The following SCG5 variants were observed in gnomAD, a reference collection of about 807,000 sequenced individuals.
The protein encoded by SCG5 is secretogranin V, also known as neuroendocrine protein 7B2.
A neutral mutation model predicts 25.7 loss-of-function variants in SCG5; 18 were observed. The ratio of observed to expected loss-of-function variants is 0.70; its 90% CI spans 0.48 to 1.04. The LOEUF (loss-of-function observed/expected upper bound fraction) is 1.04, where lower values mean the gene tolerates loss of function less well. SCG5 is among the 50% of genes least tolerant of loss of function. The pLI is 0.00. For synonymous variants in SCG5, 101 were observed against 91.7 expected (o/e 1.10, Z -0.58); for missense variants, 206 against 259.8 (o/e 0.79, Z 1.42).
intron 2 of SCG5, among the ~76,000 whole-genome samples, chr15:32,648,938 A>AT (rs1483967541): frequency 1.3e-5 from 2 of 152,038 alleles, no homozygotes; most frequent in African/African-American, 4.8e-5. Flanking sequence ...CGCCCGGCTA[A>AT]TTTTTTGTGT....
intron 2 of SCG5, among the ~76,000 whole-genome samples, chr15:32,673,564 T>TGTG (rs2054479718): frequency 3.8e-5 from 1 of 26,008 alleles, no homozygotes; most frequent in African/African-American, 2.5e-4. Flanking sequence ...GTGTGTGTGT[T>TGTG]GTGCGGGGGA....
At chr15:32,667,240 G>A (rs1025270413) in intron 2 of SCG5, among the ~76,000 whole-genome samples, 2 of 152,138 alleles carry the variant, frequency 1.3e-5, no homozygotes, top group Admixed American at 6.5e-5. Flanking sequence ...AATATATAAA[G>A]GGGACTAGAA....
intron 3 of SCG5, among the ~76,000 whole-genome samples, chr15:32,682,961 C>T (rs1032110962): frequency 6.6e-6 from 1 of 152,202 alleles, no homozygotes; most frequent in Non-Finnish European, 1.5e-5. Flanking sequence ...TTATCTGCAT[C>T]TCAGTCAGGG....
chr15:32,684,287 C>T (rs565856022), intron 3 of SCG5: 24 of 400,266 alleles, frequency 6.0e-5, no homozygotes, highest in African/African-American at 4.9e-4. Context: ...GATTGCAAAG[C>T]AAGGCTGGGA....
rs1373313100 is a variant in SCG5, at chr15:32,650,356, C to T, written c.226+6538C>T. ...GACCTCGTGATCCGCCCATCTCGGC[C>T]TCCCAAAGTGCTGGGATTACAGGCG... On this transcript the variant is annotated intron_variant, in intron 2 of 5. Coordinates refer to ENST00000300175, the MANE Select transcript of SCG5 (RefSeq NM_001144757.3). 4.6e-5 allele frequency among the ~76,000 whole-genome samples: 7 copies of T among 152,334 alleles called. No individual in the cohort carries two copies. The East Asian group carries it at 9.6e-4, about 21-fold the overall frequency.
At chr15:32,663,130 C>A (rs1185319967) in intron 2 of SCG5, among the ~76,000 whole-genome samples, 1 of 137,306 alleles carries the variant, frequency 7.3e-6, no homozygotes, top group African/African-American at 2.7e-5. Context: ...ACATATATAA[C>A]ATATATAATA....
chr15:32,679,434 C>T (rs993412038), intron 2 of SCG5, among the ~76,000 whole-genome samples: 17 of 152,058 alleles, frequency 1.1e-4, no homozygotes, highest in South Asian at 8.3e-4. Context: ...ACTTAGACCT[C>T]AGGTGATTCG....
chr15:32,669,489 G>T (rs2054380532), intron 2 of SCG5, among the ~76,000 whole-genome samples: 1 of 152,106 alleles, frequency 6.6e-6, no homozygotes, highest in Admixed American at 6.5e-5. Context: ...CTGACCCTCA[G>T]CTAAGCCATA....
rs1567076445 is a variant in SCG5, at chr15:32,663,063, AT to A, written c.227-16702del. 9.6e-3 allele frequency among the ~76,000 whole-genome samples: 481 copies of A among 50,058 alleles called. 7 individuals carry two copies. Among genetic ancestry groups the A allele is most frequent in the Non-Finnish European group, 0.015 (343 of 22,544 alleles). 32.8% of individuals were successfully genotyped at this position (50,058 alleles called of 152,430 possible). A position where few individuals can be genotyped will look rare whatever the true frequency, so the allele number is the denominator to read the frequency against. On this transcript the variant is annotated intron_variant, in intron 2 of 5. Coordinates refer to ENST00000300175, the MANE Select transcript of SCG5 (RefSeq NM_001144757.3). ...TATATATATATATATATATATATAT[AT>A]ATATATATATATATAATATATAATA...
intron 2 of SCG5, among the ~76,000 whole-genome samples, chr15:32,650,367 C>T (rs1174765981): frequency 3.3e-5 from 5 of 152,198 alleles, no homozygotes; most frequent in Non-Finnish European, 7.3e-5. Context: ...TCCCAAAGTG[C>T]TGGGATTACA....
intron 2 of SCG5, among the ~76,000 whole-genome samples, chr15:32,649,822 T>C (rs2054004662): frequency 6.6e-6 from 1 of 152,210 alleles, no homozygotes; most frequent in African/African-American, 2.4e-5. Flanking sequence ...GGCAGAGAAC[T>C]CGGGTTAACC....
intron 5 of SCG5, among the ~76,000 whole-genome samples, chr15:32,694,416 T>G (rs769189202): frequency 6.6e-6 from 1 of 152,226 alleles, no homozygotes; most frequent in Non-Finnish European, 1.5e-5. Flanking sequence ...AATCTACCTT[T>G]AAATGACTGT....
Position 32,643,813 on chromosome 15 carries a change from T to C in SCG5, c.221T>C (p.Ile74Thr), listed in dbSNP as rs746540442. The change falls in exon 2 of 6, where the codon ATT becomes ACT. Residue 74 changes from isoleucine to threonine, a missense_variant. Physicochemically the swap from Ile to Thr is moderately conservative, Grantham distance 89. Coordinates refer to ENST00000300175, the MANE Select transcript of SCG5 (RefSeq NM_001144757.3). ...ATGAATCTTGTGGGCCCCCAGAGCA[T>C]TGAAGGTATTTACTGTGTTCTGATG... is the stretch of plus-strand genomic sequence containing the variant. ...QAMNLVGPQSIEGGAHEGLQH... is the reference protein window; with the variant it reads ...QAMNLVGPQSTEGGAHEGLQH... 6 of 1,612,900 alleles carry C rather than the reference T, an allele frequency of 3.7e-6. No homozygotes were observed. Among genetic ancestry groups the C allele is most frequent in the South Asian group, 3.3e-5 (3 of 91,052 alleles).
At chr15:32,691,824 A>G in intron 5 of SCG5, 61 bp downstream of exon 5, 1 of 1,588,332 alleles carries the variant, frequency 6.3e-7, no homozygotes, top group Non-Finnish European at 8.6e-7. Flanking sequence ...TGGGGCAGTG[A>G]ACAGGCTGAA....
At chr15:32,695,852 T>C (rs1274491528) in intron 5 of SCG5, among the ~76,000 whole-genome samples, 1 of 152,190 alleles carries the variant, frequency 6.6e-6, no homozygotes, top group Non-Finnish European at 1.5e-5. Context: ...TGGGTCTTGG[T>C]ATCTAAATTA....
intron 2 of SCG5, among the ~76,000 whole-genome samples, chr15:32,660,487 C>T (rs2054198478): frequency 6.6e-6 from 1 of 152,192 alleles, no homozygotes; most frequent in Non-Finnish European, 1.5e-5. Flanking sequence ...TATCAGGTAT[C>T]CAGCACTATT....
chr15:32,685,481 C>T (rs551553150), intron 4 of SCG5, among the ~76,000 whole-genome samples: 11 of 152,268 alleles, frequency 7.2e-5, no homozygotes, highest in Admixed American at 7.2e-4. Flanking sequence ...TTAAAGAGTC[C>T]ATGTAAATAG....
chr15:32,658,729 C>T (rs1170679427), intron 2 of SCG5, among the ~76,000 whole-genome samples: 1 of 152,144 alleles, frequency 6.6e-6, no homozygotes. Context: ...GCGATACCCT[C>T]GATGGTGGCA....
chr15:32,687,952 A>G (rs2054749918), intron 4 of SCG5, among the ~76,000 whole-genome samples: 1 of 152,182 alleles, frequency 6.6e-6, no homozygotes, highest in African/African-American at 2.4e-5. Flanking sequence ...ACCACATACT[A>G]TATGCCAGAC....
Sources: gnomAD v4.1 joint callset for allele counts (sites outside exome capture counted in the v4.1 genomes callset) on GRCh38, gnomAD v4.1.1 for gene constraint, MANE v1.5 for transcripts, NCBI Gene and HGNC (gene_info 2026-07-23, HGNC 2026-07-21) for gene names.